CDH6: variants seen among roughly 807,000 people sequenced by gnomAD.
CDH6 encodes cadherin-6.
Under a neutral mutation model 78.0 loss-of-function variants are expected in CDH6, and 31 were observed. That is an observed-to-expected ratio of 0.40 (90% CI 0.30 to 0.54). CDH6 has a LOEUF of 0.54. Ranked by LOEUF, CDH6 falls within the 20% of genes least tolerant of loss-of-function variation. CDH6 has a pLI of 0.56. For missense variants in CDH6, 724 were observed against 975.9 expected (o/e 0.74, Z 3.44); for synonymous variants, 376 against 368.8 (o/e 1.02, Z -0.23).
At chr5:31,301,889 G>A (rs1039454246) in intron 5 of CDH6, among the ~76,000 whole-genome samples, 12 of 152,166 alleles carry the variant, frequency 7.9e-5, no homozygotes, top group Non-Finnish European at 1.0e-4. Context: ...CAAGAAAAGT[G>A]TTCTCCATTT....
chr5:31,204,538 G>T (rs893646210), intron 1 of CDH6, among the ~76,000 whole-genome samples: 16 of 152,188 alleles, frequency 1.1e-4, no homozygotes, highest in Admixed American at 6.5e-5. Flanking sequence ...CCGTAGGCTG[G>T]ATTAATTGGG....
chr5:31,312,954 C>CACACAG (rs1738198852), intron 7 of CDH6, among the ~76,000 whole-genome samples: 1 of 151,408 alleles, frequency 6.6e-6, no homozygotes, highest in South Asian at 2.1e-4. Context: ...AGCACACACA[C>CACACAG]ACACACACAC....
intron 11 of CDH6, among the ~76,000 whole-genome samples, chr5:31,320,034 T>A (rs958427751): frequency 3.9e-5 from 6 of 152,136 alleles, no homozygotes; most frequent in Non-Finnish European, 7.3e-5. Context: ...TGTCCCTCTA[T>A]TCCGCCAAAA....
At chr5:31,285,360 A>T (rs1452095670) in intron 2 of CDH6, among the ~76,000 whole-genome samples, 1 of 152,180 alleles carries the variant, frequency 6.6e-6, no homozygotes, top group Admixed American at 6.5e-5. Flanking sequence ...ACCATCAAAG[A>T]GCTTTCACAT....
At chr5:31,282,345 C>T (rs1579879795) in intron 2 of CDH6, among the ~76,000 whole-genome samples, 2 of 152,240 alleles carry the variant, frequency 1.3e-5, no homozygotes. Context: ...CTCATGGCGC[C>T]TTCCTCCGTC....
intron 8 of CDH6, among the ~76,000 whole-genome samples, chr5:31,313,825 C>T (rs1468985021): frequency 1.3e-5 from 2 of 151,954 alleles, no homozygotes; most frequent in Non-Finnish European, 2.9e-5. Context: ...TGAGAGGGGT[C>T]AAGTATATTG....
chr5:31,267,816 A>G, intron 2 of CDH6, 115 bp downstream of exon 2: 1 of 782,454 alleles, frequency 1.3e-6, no homozygotes, highest in Non-Finnish European at 2.0e-6. Flanking sequence ...ATTGTTGCTT[A>G]ACTGGTAAGA....
At chr5:31,317,574 T>C (rs1738359579) in intron 10 of CDH6, 82 bp downstream of exon 10, 1 of 1,511,150 alleles carries the variant, frequency 6.6e-7, no homozygotes, top group Non-Finnish European at 9.1e-7. Flanking sequence ...TATATGTATA[T>C]GTACATATCT....
chr5:31,322,115 T>C (rs1433065191), intron 11 of CDH6, among the ~76,000 whole-genome samples: 1 of 152,224 alleles, frequency 6.6e-6, no homozygotes, highest in Non-Finnish European at 1.5e-5. Context: ...AAATCTCACT[T>C]ACATGTATTT....
At chr5:31,288,870 A>G (rs1743077693) in intron 2 of CDH6, among the ~76,000 whole-genome samples, 1 of 152,206 alleles carries the variant, frequency 6.6e-6, no homozygotes, top group African/African-American at 2.4e-5. Flanking sequence ...ACATCACTTC[A>G]TACCTTTTCT....
At chr5:31,253,490 A>G (rs2149925970) in intron 1 of CDH6, among the ~76,000 whole-genome samples, 1 of 152,188 alleles carries the variant, frequency 6.6e-6, no homozygotes, top group Admixed American at 6.5e-5. Context: ...TTTATAAATT[A>G]CCCAGTCTTG....
At chr5:31,217,650 G>T (rs1433170537) in intron 1 of CDH6, among the ~76,000 whole-genome samples, 1 of 152,124 alleles carries the variant, frequency 6.6e-6, no homozygotes, top group Non-Finnish European at 1.5e-5. Context: ...TAACCTCAAA[G>T]AACTGAATGG....
At chr5:31,293,913 A>C in intron 2 of CDH6, 49 bp from the exon 3 acceptor site, 1 of 1,292,106 alleles carries the variant, frequency 7.7e-7, no homozygotes, top group Non-Finnish European at 1.1e-6. Context: ...AACAGTTTAG[A>C]ACCACATGCT....
intron 9 of CDH6, among the ~76,000 whole-genome samples, chr5:31,317,087 G>T (rs73089394): frequency 6.6e-6 from 1 of 152,216 alleles, no homozygotes; most frequent in Admixed American, 6.5e-5. Context: ...GAGAGAGTTT[G>T]ATTGTCACAC....
At chr5:31,280,904 C>CAAA (rs201793108) in intron 2 of CDH6, among the ~76,000 whole-genome samples, 12 of 117,432 alleles carry the variant, frequency 1.0e-4, no homozygotes, top group African/African-American at 3.5e-4. Context: ...GGCTCCCAAG[C>CAAA]AAAAAAAAAA....
chr5:31,299,543 G>A lies in CDH6; in HGVS notation c.723G>A (p.Met241Ile), dbSNP rs1311287026. 2 of 1,613,628 alleles carry A rather than the reference G, an allele frequency of 1.2e-6. No homozygotes were observed. Among genetic ancestry groups the A allele is most frequent in the East Asian group, 2.2e-5 (1 of 44,852 alleles). The change falls in exon 5 of 12, where the codon ATG (methionine) becomes ATA (isoleucine). Residue 241 changes from methionine (M) to isoleucine (I), a missense_variant. Met to Ile is a conservative substitution (Grantham distance 10, BLOSUM62 1). Around this residue, in one of 3 missense-constraint regions of CDH6, gnomAD observed 446 missense variants for 684.5 expected, o/e 0.65. Coordinates refer to ENST00000265071, the MANE Select transcript of CDH6 (RefSeq NM_004932.4). ...AAGTGGTGATTCAAGCCAAGGATATGGGCGGCCAGATGGGAGGATTATCTG... is the reference window on the plus strand; with the variant it reads ...AAGTGGTGATTCAAGCCAAGGATATAGGCGGCCAGATGGGAGGATTATCTG... ...QYQVVIQAKD[M>I]GGQMGGLSGT...
chr5:31,306,729 C>T (rs1040208230), intron 7 of CDH6, among the ~76,000 whole-genome samples: 1 of 152,074 alleles, frequency 6.6e-6, no homozygotes. Context: ...GGGAATACAG[C>T]CCTCATCCCA....
rs1561061837 is a variant in CDH6, at chr5:31,294,077, G to A, written c.344G>A (p.Arg115Lys). 2.5e-6 allele frequency: 4 copies of A among 1,613,842 alleles called. No homozygotes were observed. The highest frequency in any genetic ancestry group is 3.4e-6 in the Non-Finnish European group (4 of 1,179,936). ...ENTGDIQATK[R>K]LDREEKPVYI... The stretch of plus-strand genomic sequence containing the variant: ...ACAGGCGACATACAGGCCACCAAGA[G>A]GCTGGACAGGGAAGAAAAACCCGTT... The change falls in exon 3 of 12, where the codon AGG (arginine) becomes AAG (lysine). Residue 115 changes from arginine (R) to lysine (K), a missense_variant. Around this residue, in one of 3 missense-constraint regions of CDH6, gnomAD observed 446 missense variants for 684.5 expected, o/e 0.65. Coordinates refer to ENST00000265071, the MANE Select transcript of CDH6 (RefSeq NM_004932.4). This position sits in a 1 kb window ranked among gnomAD's most constrained non-coding sequence, Gnocchi z 4.1.
intron 6 of CDH6, among the ~76,000 whole-genome samples, chr5:31,302,640 G>A (rs1471187012): frequency 1.3e-5 from 2 of 150,000 alleles, no homozygotes; most frequent in Non-Finnish European, 3.0e-5. Flanking sequence ...TTGAGCCTGG[G>A]CAGCAGAGGT....
Sources: gnomAD v4.1 joint callset for allele counts (sites outside exome capture counted in the v4.1 genomes callset) on GRCh38, gnomAD v4.1.1 for gene constraint, gnomAD v4.1.1 regional missense constraint, Gnocchi (gnomAD v3.1) non-coding constraint, MANE v1.5 for transcripts, NCBI Gene and HGNC (gene_info 2026-07-23, HGNC 2026-07-21) for gene names.